Variants in KIF15 observed in about 807,000 individuals in gnomAD.
The protein encoded by KIF15 is kinesin family member 15.
In KIF15, 140 loss-of-function variants were observed where a neutral mutation model predicts 190.6. The observed-to-expected ratio is 0.73, with a 90% CI of 0.64 to 0.84. The LOEUF is 0.84. Ranked by LOEUF, KIF15 falls within the 40% of genes least tolerant of loss-of-function variation. The pLI is 0.00. For synonymous variants in KIF15, 528 were observed against 551.3 expected (o/e 0.96, Z 0.59); for missense variants, 1,372 against 1,584.4 (o/e 0.87, Z 2.28).
rs765988858 is a variant in KIF15, at chr3:44,814,955, G to A, written c.2428G>A (p.Ala810Thr). ...VHDLRVVLHS[A>T]DKELSSVKLE... is the part of the protein sequence containing the mutation. ...TGACCTGCGAGTAGTCCTTCATTCTGCTGACAAGGAGCTTTCTTCAGTGAA... is the reference window on the plus strand; with the variant it reads ...TGACCTGCGAGTAGTCCTTCATTCTACTGACAAGGAGCTTTCTTCAGTGAA... The change falls in exon 20 of 35, where the codon GCT (alanine) becomes ACT (threonine). Residue 810 changes from alanine (A) to threonine (T), a missense_variant. By Grantham distance (58) the Ala-to-Thr change is moderately conservative. Transcript: ENST00000326047. 31 of 1,611,744 alleles carry A rather than the reference G, an allele frequency of 1.9e-5. No individual in the cohort carries two copies. Among genetic ancestry groups the A allele is most frequent in the Non-Finnish European group, 2.6e-5 (31 of 1,179,318 alleles).
At position 44,815,040 on chromosome 3, in the gene KIF15, GAC is replaced by G. The variant is rs1175637093; in HGVS notation, c.2517_2518del (p.Met840AlafsTer8). 6.2e-7 allele frequency: 1 copy of G among 1,610,602 alleles called. No individual in the cohort carries two copies. The highest frequency in any genetic ancestry group is 8.5e-7 in the Non-Finnish European group (1 of 1,178,884). On this transcript the variant is annotated frameshift_variant, in exon 20 of 35. Coordinates refer to ENST00000326047, the MANE Select transcript of KIF15 (RefSeq NM_020242.3). LOFTEE classifies it high-confidence loss of function. Reference sequence around the variant, plus strand: ...AAAGAATTCAACAAACTTTCCGAAAGACACATGCATGTACAGCTTCAATTAGA... The same window carrying G: ...AAAGAATTCAACAAACTTTCCGAAAGACATGCATGTACAGCTTCAATTAGA...
At chr3:44,808,679 A>C (rs983953458) in intron 16 of KIF15, among the ~76,000 whole-genome samples, 2 of 149,792 alleles carry the variant, frequency 1.3e-5, no homozygotes, top group African/African-American at 4.9e-5. Flanking sequence ...TATGCCTTAG[A>C]TCTTTCCACA....
At chr3:44,867,579 G>A (rs1194209283) in intron 6 of KIF15, among the ~76,000 whole-genome samples, 2 of 152,208 alleles carry the variant, frequency 1.3e-5, no homozygotes, top group Non-Finnish European at 2.9e-5. Context: ...CCAGACACTT[G>A]CTTAATGCAT....
chr3:44,821,379 C>T (rs61809346), intron 20 of KIF15, among the ~76,000 whole-genome samples: 10 of 150,928 alleles, frequency 6.6e-5, no homozygotes, highest in Admixed American at 2.6e-4. Context: ...GGGCGGCTTC[C>T]GGGCGGAGGG....
chr3:44,815,838 T>C (rs1409850437), intron 20 of KIF15, among the ~76,000 whole-genome samples: 1 of 152,242 alleles, frequency 6.6e-6, no homozygotes, highest in Non-Finnish European at 1.5e-5. Context: ...ACATGAATGT[T>C]ACACTGTGAA....
chr3:44,774,232 T>C (rs940900067), intron 1 of KIF15, among the ~76,000 whole-genome samples, 163 bp from the exon 2 acceptor site: 1 of 152,124 alleles, frequency 6.6e-6, no homozygotes, highest in Non-Finnish European at 1.5e-5. Context: ...TGGGTTGGGA[T>C]AGAATGAGAA....
intron 1 of KIF15, among the ~76,000 whole-genome samples, chr3:44,773,295 T>C (rs1357520002): frequency 1.3e-5 from 2 of 152,214 alleles, no homozygotes; most frequent in Non-Finnish European, 2.9e-5. Flanking sequence ...AAATCTTTAA[T>C]TGCTGTTTCT....
chr3:44,766,393 A>G (rs990279091), intron 1 of KIF15, among the ~76,000 whole-genome samples: 1 of 152,214 alleles, frequency 6.6e-6, no homozygotes. Flanking sequence ...ACCACTGCCT[A>G]ATGAGTTGGG....
rs1327959108 is a variant in KIF15 at position 44,852,708 on chromosome 3, A to C, written c.4140A>C (p.Leu1380Phe). The change falls in exon 35 of 35, where the codon TTA (leucine) becomes TTC (phenylalanine). Residue 1380 changes from leucine (L) to phenylalanine (F), a missense_variant. Physicochemically the swap from Leu to Phe is conservative, Grantham distance 22 (BLOSUM62 0). Transcript: ENST00000326047. The stretch of plus-strand genomic sequence containing the variant: ...AGTTGCGTGCCGAAAATGTATTTTT[A>C]AAAGAAAAGAAAAGAAGTGAATCTT... ...TEKLRAENVF[L>F]KEKKRSES 5 of 1,599,698 alleles carry C rather than the reference A, an allele frequency of 3.1e-6. No individual in the cohort carries two copies. The highest frequency in any genetic ancestry group is 4.3e-6 in the Non-Finnish European group (5 of 1,175,602).
intron 32 of KIF15, among the ~76,000 whole-genome samples, chr3:44,849,898 T>G (rs1249019149): frequency 6.6e-6 from 1 of 152,220 alleles, no homozygotes; most frequent in Non-Finnish European, 1.5e-5. Flanking sequence ...AGGGAAAATT[T>G]TAGTGGAAAT....
intron 6 of KIF15, chr3:44,864,417 C>A: frequency 6.3e-7 from 1 of 1,582,950 alleles, no homozygotes. Flanking sequence ...ATAACCCCTC[C>A]TTTCCCAGAC....
chr3:44,824,902 G>A (rs1697560773), intron 20 of KIF15, among the ~76,000 whole-genome samples: 1 of 152,136 alleles, frequency 6.6e-6, no homozygotes, highest in African/African-American at 2.4e-5. Context: ...TGGGACTACA[G>A]GCACATGCCA....
chr3:44,787,910 A>G (rs1189232101), intron 7 of KIF15, among the ~76,000 whole-genome samples: 1 of 151,894 alleles, frequency 6.6e-6, no homozygotes, highest in Admixed American at 6.6e-5. Context: ...GCTGGAGTGC[A>G]GTGGTGCAAT....
chr3:44,764,431 G>A (rs1462219798), intron 1 of KIF15, among the ~76,000 whole-genome samples: 2 of 152,112 alleles, frequency 1.3e-5, no homozygotes. Flanking sequence ...GTATGTAGCA[G>A]CAGTTCTTTT....
chr3:44,831,952 G>A (rs1372917572), intron 26 of KIF15, among the ~76,000 whole-genome samples: 1 of 152,082 alleles, frequency 6.6e-6, no homozygotes, highest in Non-Finnish European at 1.5e-5. Context: ...AACAAATATT[G>A]AATCCACCTA....
At chr3:44,826,216 C>T (rs373550929) in intron 21 of KIF15, 27 bp downstream of exon 21, 14 of 1,559,608 alleles carry the variant, frequency 9.0e-6, no homozygotes, top group East Asian at 6.8e-5. Context: ...GAATTTGTCC[C>T]GCATCTGTGA....
chr3:44,826,363 G>A lies in KIF15; in HGVS notation c.2701-12G>A, dbSNP rs200425152. The A allele has an allele frequency of 9.3e-6, 15 of 1,607,556 alleles. No homozygotes were observed. The highest frequency in any genetic ancestry group is 1.3e-5 in the Non-Finnish European group (15 of 1,175,840). ...TAGTAACAGTTACTTAAAATCTAAT[G>A]TTGTCTTTTAGAATTTGATGGAGCT... is the stretch of plus-strand genomic sequence containing the variant. On this transcript the variant is annotated splice_polypyrimidine_tract_variant and intron_variant, in intron 21 of 34. Transcript: ENST00000326047.
downstream of KIF15, among the ~76,000 whole-genome samples, chr3:44,856,539 G>C (rs186641259): frequency 7.2e-5 from 11 of 152,330 alleles, no homozygotes; most frequent in East Asian, 2.1e-3. Context: ...CATTTGCCTT[G>C]TGTGGGGAGA....
intron 6 of KIF15, among the ~76,000 whole-genome samples, chr3:44,868,505 A>G (rs1240537789): frequency 4.6e-5 from 7 of 152,202 alleles, no homozygotes; most frequent in Admixed American, 1.3e-4. Context: ...GGAATTGCTG[A>G]TATAACTATG....
Sources: gnomAD v4.1 joint callset for allele counts (sites outside exome capture counted in the v4.1 genomes callset) on GRCh38, gnomAD v4.1.1 for gene constraint, MANE v1.5 for transcripts, NCBI Gene and HGNC (gene_info 2026-07-23, HGNC 2026-07-21) for gene names.